Variants in IGF1R observed in about 807,000 individuals in gnomAD.
IGF1R encodes the protein insulin-like growth factor 1 receptor.
Under a neutral mutation model 144.6 loss-of-function variants are expected in IGF1R, and 44 were observed. The observed-to-expected ratio is 0.30, with a 90% confidence interval of 0.24 to 0.39. The LOEUF (loss-of-function observed/expected upper bound fraction) is 0.39, where lower values mean the gene tolerates loss of function less well. Among genes scored for constraint, IGF1R ranks in the 10% least tolerant of loss-of-function variants. The pLI is 1.00. For synonymous variants in IGF1R, 795 were observed against 722.8 expected, an observed-to-expected ratio of 1.10 and a Z score of -1.60; for missense variants, 1,355 against 1,833.7, an observed-to-expected ratio of 0.74 and a Z score of 4.77.
chr15:98,873,517 G>A (rs1276791267), intron 2 of IGF1R, among the ~76,000 whole-genome samples: 1 of 152,220 alleles, frequency 6.6e-6, no homozygotes, highest in African/African-American at 2.4e-5. Context: ...TCATGTGTCC[G>A]CTGTGCCTCT....
intron 2 of IGF1R, among the ~76,000 whole-genome samples, chr15:98,784,682 C>A (rs963827029): frequency 2.6e-5 from 4 of 151,812 alleles, no homozygotes; most frequent in African/African-American, 9.7e-5. Flanking sequence ...ATTCCTTCAA[C>A]TACAGATTAA....
intron 2 of IGF1R, among the ~76,000 whole-genome samples, chr15:98,840,862 G>A (rs1370501828): frequency 2.0e-5 from 3 of 152,028 alleles, no homozygotes; most frequent in Non-Finnish European, 4.4e-5. Flanking sequence ...TGTATTTTTA[G>A]TAGAGACGGG....
At chr15:98,867,918 A>G (rs1220830627) in intron 2 of IGF1R, among the ~76,000 whole-genome samples, 2 of 152,162 alleles carry the variant, frequency 1.3e-5, no homozygotes, top group Non-Finnish European at 2.9e-5. Context: ...AGCCAAATCC[A>G]GGCCAGGCGC....
At chr15:98,904,049 A>ATT (rs35759630) in intron 5 of IGF1R, among the ~76,000 whole-genome samples, 154 of 103,764 alleles carry the variant, frequency 1.5e-3, no homozygotes, top group Admixed American at 2.2e-3. Flanking sequence ...TGATGGGTGA[A>ATT]TTTTTTTTTT....
chr15:98,682,503 G>A (rs989004217), intron 1 of IGF1R, among the ~76,000 whole-genome samples: 5 of 152,114 alleles, frequency 3.3e-5, no homozygotes, highest in African/African-American at 1.2e-4. Flanking sequence ...GCTTGTCTAC[G>A]TTTTTACATT....
intron 2 of IGF1R, among the ~76,000 whole-genome samples, chr15:98,725,393 TC>T (rs973602497): frequency 6.6e-6 from 1 of 152,326 alleles, no homozygotes; most frequent in South Asian, 2.1e-4. Flanking sequence ...ATCTTTTTTT[TC>T]CCCTAATCTG....
At chr15:98,948,164 C>G (rs2016627691) in intron 19 of IGF1R, among the ~76,000 whole-genome samples, 1 of 152,164 alleles carries the variant, frequency 6.6e-6, no homozygotes, top group South Asian at 2.1e-4. Flanking sequence ...AGTCAATGTC[C>G]AGGCTGGGGC....
At chr15:98,758,026 C>A (rs1488818426) in intron 2 of IGF1R, among the ~76,000 whole-genome samples, 1 of 152,176 alleles carries the variant, frequency 6.6e-6, no homozygotes, top group African/African-American at 2.4e-5. Flanking sequence ...TGCATTTCCG[C>A]AATTTCTGCC....
intron 13 of IGF1R, among the ~76,000 whole-genome samples, chr15:98,926,293 G>GCCC (rs1438138262): frequency 1.3e-5 from 2 of 152,154 alleles, no homozygotes; most frequent in Non-Finnish European, 2.9e-5. Flanking sequence ...GTAGAATGGA[G>GCCC]GTTACCAGGG....
At chr15:98,868,769 A>T (rs190630726) in intron 2 of IGF1R, among the ~76,000 whole-genome samples, 6 of 152,180 alleles carry the variant, frequency 3.9e-5, no homozygotes, top group Non-Finnish European at 8.8e-5. Flanking sequence ...CTGACAGCGT[A>T]TGCCAAGCGC....
At chr15:98,890,240 G>A (rs1375384932) in intron 2 of IGF1R, 1 of 152,180 alleles carries the variant, frequency 6.6e-6, no homozygotes, top group East Asian at 1.9e-4. Flanking sequence ...AGACAGTTAA[G>A]ACATTCTGAG....
intron 2 of IGF1R, among the ~76,000 whole-genome samples, chr15:98,708,758 G>A (rs979151488): frequency 1.3e-5 from 2 of 152,174 alleles, no homozygotes; most frequent in Admixed American, 6.5e-5. Context: ...TAGCTGTGTA[G>A]CAGGGTGCAT....
chr15:98,929,648 T>C lies in IGF1R; in HGVS notation c.2873T>C (p.Phe958Ser). ...GGGTTGGTGATTATGCTGTACGTCT[T>C]CCATAGAAAGAGGTCAGTGATGTGC... ...VGGLVIMLYV[F>S]HRKRNNSRLG... is the part of the protein sequence containing the mutation. Residue 958 changes from phenylalanine to serine, a missense_variant, in exon 14 of 21, where the codon TTC becomes TCC. Transcript: ENST00000650285. 1.9e-6 allele frequency: 3 copies of C among 1,612,908 alleles called. No individual in the cohort carries two copies. Among genetic ancestry groups the C allele is most frequent in the Non-Finnish European group, 2.5e-6 (3 of 1,178,850 alleles).
rs764811103 is a variant in IGF1R, at chr15:98,916,100, C to A, written c.1965C>A (p.Gly655=). The change falls in exon 9 of 21, where the codon GGC becomes GGA. Residue 655 remains glycine, a synonymous_variant. Transcript: ENST00000650285. Reference sequence around the variant, plus strand: ...GCTGGCAGCGGCAGCCTCAGGACGGCTACCTTTACCGGCACAATTACTGCT... The same window carrying A: ...GCTGGCAGCGGCAGCCTCAGGACGGATACCTTTACCGGCACAATTACTGCT... ...IVRWQRQPQD[G]YLYRHNYCSK... 5.6e-6 allele frequency: 9 copies of A among 1,614,172 alleles called. No homozygotes were observed.
intron 2 of IGF1R, among the ~76,000 whole-genome samples, chr15:98,808,735 AGTGGTGCGGTCATAGC>A (rs2056521266): frequency 6.7e-6 from 1 of 149,190 alleles, no homozygotes; most frequent in African/African-American, 2.5e-5. Flanking sequence ...ACTGGAGTGC[AGTGGTGCGGTCATAGC>A]CCACTGCAAG....
At chr15:98,953,854 G>T (rs1241509695) in intron 20 of IGF1R, among the ~76,000 whole-genome samples, 1 of 152,110 alleles carries the variant, frequency 6.6e-6, no homozygotes, top group African/African-American at 2.4e-5. Flanking sequence ...TGCGGGAATC[G>T]AGTGCTTGAG....
chr15:98,731,894 G>T (rs2054504645), intron 2 of IGF1R, among the ~76,000 whole-genome samples: 3 of 152,230 alleles, frequency 2.0e-5, no homozygotes, highest in Admixed American at 2.0e-4. Flanking sequence ...GTTGACTGGA[G>T]TTGCTTGCAT....
At chr15:98,789,679 A>G (rs1216696581) in intron 2 of IGF1R, among the ~76,000 whole-genome samples, 1 of 152,178 alleles carries the variant, frequency 6.6e-6, no homozygotes, top group Non-Finnish European at 1.5e-5. Flanking sequence ...GGCATTTCAA[A>G]TTGGATGATG....
intron 2 of IGF1R, among the ~76,000 whole-genome samples, chr15:98,865,666 A>C (rs907893571): frequency 6.6e-6 from 1 of 152,136 alleles, no homozygotes; most frequent in African/African-American, 2.4e-5. Flanking sequence ...AATGCGTAAA[A>C]GGTTTTTCAT....
Sources: allele counts gnomAD v4.1 joint callset (sites outside exome capture counted in the v4.1 genomes callset), GRCh38; gene constraint gnomAD v4.1.1; transcripts MANE v1.5; gene names NCBI Gene and HGNC (gene_info 2026-07-23, HGNC 2026-07-21).